Variants in GALNT11 observed in about 807,000 individuals in gnomAD.
The protein encoded by GALNT11 is UDP-GalNAc:polypeptide N-acetylgalactosaminyltransferase 11.
GALNT11 carries 47 observed loss-of-function variants against 72.7 expected under a neutral mutation model. The observed-to-expected ratio is 0.65, with a 90% CI of 0.51 to 0.82. The LOEUF is 0.82. GALNT11 is among the 40% of genes least tolerant of loss of function. The pLI, the probability that GALNT11 is intolerant of heterozygous loss-of-function variation, is 0.00. For synonymous variants in GALNT11, 270 were observed against 286.6 expected, an observed-to-expected ratio of 0.94 and a Z score of 0.58; for missense variants, 677 against 778.4, an observed-to-expected ratio of 0.87 and a Z score of 1.55.
chr7:152,075,737 G>A (rs1053056897), intron 1 of GALNT11, among the ~76,000 whole-genome samples: 4 of 151,492 alleles, frequency 2.6e-5, no homozygotes, highest in African/African-American at 7.3e-5. Context: ...CGGAGGTTGC[G>A]GTGAGCTGAG....
chr7:152,111,628 G>GTGTATATA (rs553453480), intron 7 of GALNT11, among the ~76,000 whole-genome samples: 15 of 144,868 alleles, frequency 1.0e-4, no homozygotes, highest in African/African-American at 3.7e-4. Flanking sequence ...GTGTGTGTGT[G>GTGTATATA]TATATATATA....
At chr7:152,111,912 ATGTATAGCT>A (rs1040521615) in intron 7 of GALNT11, among the ~76,000 whole-genome samples, 2 of 152,094 alleles carry the variant, frequency 1.3e-5, no homozygotes, top group African/African-American at 2.4e-5. Context: ...CCATCACCCC[ATGTATAGCT>A]TACCAAGTCC....
At chr7:152,103,532 A>C in intron 4 of GALNT11, 1 of 385,118 alleles carries the variant, frequency 2.6e-6, no homozygotes, top group Non-Finnish European at 4.9e-6. Context: ...TTTTTATTTG[A>C]AATAACTGTA....
At chr7:152,032,573 T>C (rs1334646419) in intron 1 of GALNT11, among the ~76,000 whole-genome samples, 1 of 152,222 alleles carries the variant, frequency 6.6e-6, no homozygotes, top group Non-Finnish European at 1.5e-5. Flanking sequence ...GCCTTGAGCT[T>C]TTACATGTTT....
At chr7:152,034,673 C>T (rs1382962129) in intron 1 of GALNT11, among the ~76,000 whole-genome samples, 2 of 152,170 alleles carry the variant, frequency 1.3e-5, no homozygotes, top group East Asian at 1.9e-4. Context: ...TTGCACTCAC[C>T]GATGCAGCAG....
chr7:152,067,493 T>C (rs1212329382), intron 1 of GALNT11, among the ~76,000 whole-genome samples: 1 of 152,370 alleles, frequency 6.6e-6, no homozygotes, highest in East Asian at 1.9e-4. Context: ...AATACAACTT[T>C]ATTTTTTTGT....
intron 7 of GALNT11, among the ~76,000 whole-genome samples, chr7:152,112,800 A>C (rs2088385919): frequency 6.6e-6 from 1 of 152,082 alleles, no homozygotes; most frequent in Admixed American, 6.5e-5. Context: ...TATATTAAAA[A>C]ATCTGTTTTC....
At chr7:152,102,720 G>A (rs914089829) in intron 3 of GALNT11, among the ~76,000 whole-genome samples, 12 of 151,730 alleles carry the variant, frequency 7.9e-5, no homozygotes, top group African/African-American at 2.7e-4. Flanking sequence ...GGTGGTTCAC[G>A]CCTGTAGTCC....
At chr7:152,080,251 G>A (rs1322189668) in intron 1 of GALNT11, among the ~76,000 whole-genome samples, 1 of 152,124 alleles carries the variant, frequency 6.6e-6, no homozygotes, top group East Asian at 1.9e-4. Context: ...GGTGCTTGTG[G>A]CTATGGAAAT....
chr7:152,101,981 A>G (rs2086964372), intron 3 of GALNT11, among the ~76,000 whole-genome samples: 1 of 151,860 alleles, frequency 6.6e-6, no homozygotes, highest in Non-Finnish European at 1.5e-5. Context: ...TTTTTTTCCC[A>G]AATAGTTGCT....
At chr7:152,044,485 C>T (rs986041485) in intron 1 of GALNT11, among the ~76,000 whole-genome samples, 1 of 152,128 alleles carries the variant, frequency 6.6e-6, no homozygotes, top group Non-Finnish European at 1.5e-5. Flanking sequence ...TTGTTTATGA[C>T]TAGATTTGGG....
chr7:152,098,466 A>G (rs2086538294), intron 2 of GALNT11, among the ~76,000 whole-genome samples: 1 of 152,026 alleles, frequency 6.6e-6, no homozygotes, highest in South Asian at 2.1e-4. Flanking sequence ...AAAATTAAAA[A>G]CATTTTCTCA....
At chr7:152,067,115 G>A (rs1392875376) in intron 1 of GALNT11, among the ~76,000 whole-genome samples, 3 of 152,200 alleles carry the variant, frequency 2.0e-5, no homozygotes, top group Non-Finnish European at 2.9e-5. Flanking sequence ...TCTTGTAGAT[G>A]TCCCTCAGTT....
chr7:152,063,616 T>C (rs942330292), intron 1 of GALNT11, among the ~76,000 whole-genome samples: 5 of 152,234 alleles, frequency 3.3e-5, no homozygotes, highest in African/African-American at 1.2e-4. Context: ...TAAATTTCCC[T>C]CTACCCACTG....
chr7:152,071,462 C>T (rs1450508694), intron 1 of GALNT11, among the ~76,000 whole-genome samples: 1 of 152,178 alleles, frequency 6.6e-6, no homozygotes, highest in East Asian at 1.9e-4. Context: ...TCTCTTATTC[C>T]CTGAACAATT....
chr7:152,118,824 G>T (rs748727635), intron 10 of GALNT11, 42 bp downstream of exon 10: 2 of 1,533,244 alleles, frequency 1.3e-6, no homozygotes, highest in South Asian at 1.2e-5. Context: ...TCCGCAAGGA[G>T]GCTTCCAGTG....
chr7:152,078,492 C>T (rs1047261670), intron 1 of GALNT11, among the ~76,000 whole-genome samples: 6 of 152,138 alleles, frequency 3.9e-5, no homozygotes, highest in African/African-American at 9.7e-5. Context: ...TGAGCCACTG[C>T]GCCCGGCCGG....
At chr7:152,109,111 A>G (rs1489362370) in intron 6 of GALNT11, among the ~76,000 whole-genome samples, 2 of 152,248 alleles carry the variant, frequency 1.3e-5, no homozygotes, top group East Asian at 3.8e-4. Context: ...TTGCCCAAGT[A>G]TCTCCGCTTT....
Position 152,100,787 on chromosome 7 carries a change from C to T in GALNT11, c.296-11C>T, listed in dbSNP as rs747556230. ...AGATTTAATTCGCTGACTAACTTCA[C>T]TCTTTTGCAGGTATGATTTTTAATG... is the stretch of plus-strand genomic sequence containing the variant. On this transcript the variant is annotated splice_polypyrimidine_tract_variant and intron_variant, in intron 2 of 11. Transcript: ENST00000430044. 9 of 1,612,724 alleles carry T rather than the reference C, an allele frequency of 5.6e-6. No homozygotes were observed. The South Asian group carries it at 9.9e-5, about 18-fold the overall frequency.
Sources: allele counts gnomAD v4.1 joint callset (sites outside exome capture counted in the v4.1 genomes callset), GRCh38; gene constraint gnomAD v4.1.1; transcripts MANE v1.5; gene names NCBI Gene and HGNC (gene_info 2026-07-23, HGNC 2026-07-21).